Variants in UIMC1 observed in about 807,000 individuals in gnomAD.
UIMC1 encodes the protein ubiquitin interaction motif containing 1, also known as BRCA1-A complex subunit RAP80.
A neutral mutation model predicts 84.9 loss-of-function variants in UIMC1; 42 were observed. The observed-to-expected ratio is 0.49, with a 90% CI of 0.39 to 0.64. UIMC1 has a LOEUF of 0.64. Ranked by LOEUF, UIMC1 falls within the 30% of genes least tolerant of loss-of-function variation. UIMC1 has a pLI of 0.00. For synonymous variants in UIMC1, 281 were observed against 293.0 expected, an observed-to-expected ratio of 0.96 and a Z score of 0.42; for missense variants, 825 against 847.6, an observed-to-expected ratio of 0.97 and a Z score of 0.33.
intron 11 of UIMC1, 110 bp downstream of exon 11, chr5:176,911,201 G>T: frequency 2.7e-6 from 2 of 744,640 alleles, no homozygotes; most frequent in Non-Finnish European, 4.0e-6. Context: ...AAGCAATGAA[G>T]CAATTGGCAG....
intron 1 of UIMC1, among the ~76,000 whole-genome samples, chr5:177,018,947 C>T (rs353466): frequency 0.038 from 5,836 of 152,222 alleles, 375 homozygotes; most frequent in African/African-American, 0.13. Flanking sequence ...TCTGCGACTT[C>T]GACAAAAATC....
chr5:176,982,616 C>T lies in UIMC1; in HGVS notation c.-1G>A, dbSNP rs2149506075. 1.2e-6 allele frequency: 2 copies of T among 1,612,554 alleles called. No homozygotes were observed. The highest frequency in any genetic ancestry group is 2.2e-5 in the East Asian group (1 of 44,864). On this transcript the variant is annotated 5_prime_UTR_variant, in exon 2 of 15. Coordinates refer to ENST00000511320, the MANE Select transcript of UIMC1 (RefSeq NM_001199298.2). Reference sequence around the variant, plus strand: ...TAACTTTTTTCTTTCTCCGTGGCATCCTTTTGTCTAGAATAAAAGGACAAT... The same window carrying T: ...TAACTTTTTTCTTTCTCCGTGGCATTCTTTTGTCTAGAATAAAAGGACAAT...
chr5:176,975,688 T>C (rs1769953112), intron 2 of UIMC1, among the ~76,000 whole-genome samples: 1 of 152,216 alleles, frequency 6.6e-6, no homozygotes, highest in African/African-American at 2.4e-5. Flanking sequence ...AAAAATGTGA[T>C]ATATTGGCAT....
intron 2 of UIMC1, among the ~76,000 whole-genome samples, chr5:176,977,598 G>GA (rs1361007270): frequency 8.9e-6 from 1 of 111,954 alleles, no homozygotes; most frequent in South Asian, 2.7e-4. Context: ...AAAAAAAAAA[G>GA]AAAAGAAAAA....
At chr5:176,932,506 T>TAGATAGATAGAC (rs1336681460) in intron 10 of UIMC1, among the ~76,000 whole-genome samples, 1 of 141,964 alleles carries the variant, frequency 7.0e-6, no homozygotes, top group South Asian at 2.1e-4. Context: ...GAGACAGATA[T>TAGATAGATAGAC]AGATAGATAG....
chr5:176,950,551 T>C (rs1438117598), intron 9 of UIMC1, among the ~76,000 whole-genome samples: 1 of 152,046 alleles, frequency 6.6e-6, no homozygotes, highest in Non-Finnish European at 1.5e-5. Flanking sequence ...CCAGGTAAAC[T>C]GTTTTGTTAG....
intron 1 of UIMC1, among the ~76,000 whole-genome samples, chr5:176,999,159 A>G (rs532493593): frequency 3.6e-4 from 55 of 152,336 alleles, no homozygotes; most frequent in African/African-American, 1.2e-3. Flanking sequence ...TGACAGAGCA[A>G]GATCCTGTCT....
At chr5:176,941,591 A>AT (rs1450300689) in intron 10 of UIMC1, among the ~76,000 whole-genome samples, 2 of 152,220 alleles carry the variant, frequency 1.3e-5, no homozygotes, top group African/African-American at 4.8e-5. Context: ...AAAACACTTC[A>AT]TAATTATACA....
intron 1 of UIMC1, among the ~76,000 whole-genome samples, chr5:177,015,734 T>C (rs745313156): frequency 1.3e-5 from 2 of 152,166 alleles, no homozygotes; most frequent in Non-Finnish European, 2.9e-5. Flanking sequence ...AATTAAAACC[T>C]GGCATCCCCT....
In UIMC1 at chr5:176,979,940, T is replaced by G. The variant is rs188441822; in HGVS notation, c.147+2529A>C. ...GTCTGAGTGACTAAGTGGGGAAGAT[T>G]TGCACTCAATGTGGGTGAACACCAT... On this transcript the variant is annotated intron_variant, in intron 2 of 14. Transcript: ENST00000511320. Among the ~76,000 whole-genome samples, 6 of 152,126 alleles carry G rather than the reference T, an allele frequency of 3.9e-5. No homozygotes were observed. In the East Asian group the frequency reaches 9.7e-4, roughly 24 times the overall value.
chr5:176,964,925 T>C (rs1183356266), intron 6 of UIMC1, among the ~76,000 whole-genome samples: 1 of 152,132 alleles, frequency 6.6e-6, no homozygotes, highest in Admixed American at 6.5e-5. Context: ...AATTTAAAAT[T>C]TGAATTGGGA....
intron 6 of UIMC1, among the ~76,000 whole-genome samples, chr5:176,967,017 GAT>G (rs1768405364): frequency 6.6e-6 from 1 of 152,200 alleles, no homozygotes; most frequent in African/African-American, 2.4e-5. Flanking sequence ...GACTGGCAAA[GAT>G]CAAGAAGTCT....
intron 10 of UIMC1, among the ~76,000 whole-genome samples, chr5:176,935,187 T>C (rs1467635207): frequency 2.0e-5 from 3 of 152,182 alleles, no homozygotes; most frequent in African/African-American, 4.8e-5. Flanking sequence ...ATGATTCAAG[T>C]TACATTTGTC....
rs149991325 is a variant in UIMC1, at chr5:176,968,771, A to T, written c.984T>A (p.Pro328=). ...KGFGEPVLPR[P]PSLIQNECGQ... ...CACATTCATTCTGGATCAGAGAAGG[A>T]GGTCTAGGTAACACTGGTTCCCCAA... The change falls in exon 6 of 15, where the codon CCT becomes CCA. Residue 328 remains proline (P), a synonymous_variant. Transcript: ENST00000511320. The T allele has an allele frequency of 9.3e-6, 15 of 1,614,020 alleles. No individual in the cohort carries two copies. Among genetic ancestry groups the T allele is most frequent in the Admixed American group, 3.3e-5 (2 of 59,994 alleles).
intron 11 of UIMC1, among the ~76,000 whole-genome samples, chr5:176,909,365 A>C (rs1434163865): frequency 6.6e-6 from 1 of 152,204 alleles, no homozygotes; most frequent in Non-Finnish European, 1.5e-5. Flanking sequence ...GGGGTAAAAG[A>C]AAAAAATGAG....
rs779224466 is a variant in UIMC1, at chr5:176,973,579, C to CA, written c.232+1816dup. ...TAGGTGACAAAGTGAGACCCTGTCT[C>CA]AAAAAAAAAAAAAAGAAAAGAAAAA... On this transcript the variant is annotated intron_variant, in intron 3 of 14. Coordinates refer to ENST00000511320, the MANE Select transcript of UIMC1 (RefSeq NM_001199298.2). Among the ~76,000 whole-genome samples, 192 of 78,208 alleles carry CA rather than the reference C, an allele frequency of 2.5e-3. 1 individual carries two copies. Among genetic ancestry groups the CA allele is most frequent in the Admixed American group, 4.9e-3 (34 of 6,896 alleles). 51.3% of individuals were successfully genotyped at this position (78,208 alleles called of 152,430 possible). A position where few individuals can be genotyped will look rare whatever the true frequency, so the allele number is the denominator to read the frequency against.
At chr5:176,949,369 C>T (rs1457920002) in intron 9 of UIMC1, among the ~76,000 whole-genome samples, 1 of 152,160 alleles carries the variant, frequency 6.6e-6, no homozygotes, top group Non-Finnish European at 1.5e-5. Context: ...AAATTCTAAA[C>T]AGGGTTCATG....
chr5:176,986,705 G>A (rs1464134672), intron 1 of UIMC1, among the ~76,000 whole-genome samples: 1 of 152,058 alleles, frequency 6.6e-6, no homozygotes, highest in Non-Finnish European at 1.5e-5. Flanking sequence ...GCTCAGCATG[G>A]TGGCATGCCT....
chr5:176,995,394 C>G (rs182776498), intron 1 of UIMC1, among the ~76,000 whole-genome samples: 84 of 151,570 alleles, frequency 5.5e-4, no homozygotes, highest in African/African-American at 1.9e-3. Context: ...ACTAAAAATG[C>G]AAAAATTAGC....
Sources: allele counts gnomAD v4.1 joint callset (sites outside exome capture counted in the v4.1 genomes callset), GRCh38; gene constraint gnomAD v4.1.1; transcripts MANE v1.5; gene names NCBI Gene and HGNC (gene_info 2026-07-23, HGNC 2026-07-21).